KIR3DL1: variants seen among roughly 807,000 people sequenced by gnomAD.
The protein encoded by KIR3DL1 is killer cell immunoglobulin like receptor, three Ig domains and long cytoplasmic tail 1, also known as killer cell immunoglobulin-like receptor 3DL1.
A neutral mutation model predicts 40.3 loss-of-function variants in KIR3DL1; 50 were observed. The observed-to-expected ratio is 1.24, with a 90% CI of 0.99 to 1.57. The LOEUF is 1.57. KIR3DL1 is among the 40% of genes most tolerant of loss of function. KIR3DL1 has a pLI of 0.00. For synonymous variants in KIR3DL1, 257 were observed against 207.2 expected, an observed-to-expected ratio of 1.24 and a Z score of -2.07; for missense variants, 661 against 559.9, an observed-to-expected ratio of 1.18 and a Z score of -1.82.
Position 54,829,413 on chromosome 19 carries a change from C to T in KIR3DL1, c.1053C>T (p.Leu351=), listed in dbSNP as rs45474293. Residue 351 remains leucine (L), a synonymous_variant, in exon 7 of 9, where the codon CTC becomes CTT. Coordinates refer to ENST00000391728, the Ensembl canonical transcript of KIR3DL1. ...TTGGGACCTCAGTGGTCATCATCCTCTTCATCCTCCTCCTCTTCTTTCTCC... is the reference window on the plus strand; with the variant it reads ...TTGGGACCTCAGTGGTCATCATCCTTTTCATCCTCCTCCTCTTCTTTCTCC... 8.9e-3 allele frequency: 12,227 copies of T among 1,379,914 alleles called. 2,189 individuals are homozygous for T. The highest frequency in any genetic ancestry group is 0.022 in the South Asian group (1,557 of 71,268). The allele number at this position is 1,379,914 out of a possible 1,614,324, so 85.5% of individuals were successfully genotyped here.
In KIR3DL1 at chr19:54,817,719, G is replaced by A. The variant is rs1245016878; in HGVS notation, c.70+150G>A. 49 of 654,046 alleles carry A rather than the reference G, an allele frequency of 7.5e-5. 3 individuals are homozygous for A. Among genetic ancestry groups the A allele is most frequent in the East Asian group, 1.1e-4 (3 of 26,856 alleles). 40.5% of individuals were successfully genotyped at this position (654,046 alleles called of 1,614,324 possible). A position where few individuals can be genotyped will look rare whatever the true frequency, so the allele number is the denominator to read the frequency against. On this transcript the variant is annotated intron_variant, in intron 2 of 8. Transcript: ENST00000391728. Reference sequence around the variant, plus strand: ...CCACATTTCTGACCTTGCCTTCCCCGGCCTTTCATTCCCTTTCCTGAGTCA... The same window carrying A: ...CCACATTTCTGACCTTGCCTTCCCCAGCCTTTCATTCCCTTTCCTGAGTCA...
At chr19:54,829,406 T>C in exon 7 of KIR3DL1, 1 of 1,396,996 alleles carries the variant, frequency 7.2e-7, no homozygotes, top group Non-Finnish European at 9.7e-7. Flanking sequence ...TCAGTGGTCA[T>C]CATCCTCTTC....
rs1385281171 is a variant in KIR3DL1 at position 54,829,104 on chromosome 19, C to T, written c.1001-257C>T. Among the ~76,000 whole-genome samples the T allele has an allele frequency of 1.4e-5, 2 of 145,148 alleles. 1 individual carries two copies. Among genetic ancestry groups the T allele is most frequent in the Non-Finnish European group, 3.0e-5 (2 of 65,730 alleles). ...ACACCTCCCAAGAGGCCCAACCTCC[C>T]ACACTGGGGGTTAAATTTCAATGTG... On this transcript the variant is annotated intron_variant, in intron 6 of 8. Transcript: ENST00000391728.
chr19:54,816,617 A>T, intron 1 of KIR3DL1, 83 bp downstream of exon 1: 1 of 1,534,350 alleles, frequency 6.5e-7, no homozygotes, highest in Non-Finnish European at 8.9e-7. Flanking sequence ...CTAGAGGTGG[A>T]GTTATGGGCC....
exon 4 of KIR3DL1, chr19:54,819,939 A>T: frequency 6.2e-7 from 1 of 1,611,942 alleles, no homozygotes; most frequent in African/African-American, 1.3e-5. Context: ...GGACCTACAG[A>T]TGCTACGGTT....
At chr19:54,826,651 G>A (rs962757891) in intron 6 of KIR3DL1, among the ~76,000 whole-genome samples, 13 of 149,028 alleles carry the variant, frequency 8.7e-5, no homozygotes, top group Non-Finnish European at 1.5e-4. Flanking sequence ...ATAATGCTGA[G>A]TGTATAATTT....
At chr19:54,826,819 G>T (rs201822757) in intron 6 of KIR3DL1, among the ~76,000 whole-genome samples, 4,432 of 135,146 alleles carry the variant, frequency 0.033, 11 homozygotes, top group East Asian at 0.045. Context: ...AAGAGGCTCT[G>T]CCTGAAATGC....
intron 1 of KIR3DL1, among the ~76,000 whole-genome samples, chr19:54,817,194 T>G (rs62124089): frequency 0.13 from 15,986 of 121,892 alleles, 1,227 homozygotes; most frequent in Non-Finnish European, 0.16. Flanking sequence ...CTGGAGTGGA[T>G]ATATGAGCCT....
In KIR3DL1 at chr19:54,818,159, C is replaced by T. The variant is rs1248533967; in HGVS notation, c.71-156C>T. 7.4e-4 allele frequency among the ~76,000 whole-genome samples: 105 copies of T among 141,302 alleles called. 1 individual carries two copies. Among genetic ancestry groups the T allele is most frequent in the African/African-American group, 2.6e-3 (90 of 35,016 alleles). 92.7% of individuals were successfully genotyped at this position (141,302 alleles called of 152,430 possible). On this transcript the variant is annotated intron_variant, in intron 2 of 8. Transcript: ENST00000391728. ...TCAGCTGACACTTGTTGTAGGGAGA[C>T]GCCAAGTCTATGCAGGATGGGTCCT...
chr19:54,819,521 CAG>C (rs1389850954), intron 3 of KIR3DL1, among the ~76,000 whole-genome samples, 190 bp from the exon 4 acceptor site: 2 of 151,090 alleles, frequency 1.3e-5, no homozygotes, highest in Non-Finnish European at 2.9e-5. Context: ...CTACTGGAGA[CAG>C]AGGGACAGAG....
intron 5 of KIR3DL1, among the ~76,000 whole-genome samples, chr19:54,824,206 T>C (rs993525271): frequency 2.0e-5 from 3 of 151,662 alleles, no homozygotes; most frequent in African/African-American, 7.3e-5. Flanking sequence ...CTTCTACATG[T>C]TTCATAGGTT....
At chr19:54,820,356 C>T (rs1443963775) in intron 4 of KIR3DL1, among the ~76,000 whole-genome samples, 1 of 151,482 alleles carries the variant, frequency 6.6e-6, no homozygotes, top group Non-Finnish European at 1.5e-5. Context: ...TCTGTTTTAC[C>T]TCCACAAAGT....
At chr19:54,819,443 A>T (rs2148083047) in intron 3 of KIR3DL1, among the ~76,000 whole-genome samples, 1 of 151,200 alleles carries the variant, frequency 6.6e-6, no homozygotes, top group East Asian at 1.9e-4. Flanking sequence ...CAGGAAAGAG[A>T]TTAGTGGGAA....
chr19:54,827,983 T>A (rs1325612233), intron 6 of KIR3DL1, among the ~76,000 whole-genome samples: 1 of 150,334 alleles, frequency 6.7e-6, no homozygotes, highest in African/African-American at 2.5e-5. Context: ...TGAGTCCAGA[T>A]CTTGGAATCA....
At chr19:54,819,607 G>C in intron 3 of KIR3DL1, 106 bp from the exon 4 acceptor site, 2 of 1,328,122 alleles carry the variant, frequency 1.5e-6, no homozygotes. Flanking sequence ...GATGCAGAGA[G>C]GGAGGAGAGA....
At chr19:54,829,640 G>C (rs1291972711) in intron 7 of KIR3DL1, among the ~76,000 whole-genome samples, 175 bp downstream of exon 7, 3 of 142,588 alleles carry the variant, frequency 2.1e-5, no homozygotes, top group Admixed American at 7.2e-5. Flanking sequence ...TCAGCTCACA[G>C]ACCGTTGCCT....
intron 1 of KIR3DL1, 56 bp from the exon 2 acceptor site, chr19:54,817,478 G>A: frequency 1.5e-6 from 2 of 1,371,168 alleles, no homozygotes; most frequent in Admixed American, 1.7e-5. Context: ...AGTGGGGGCA[G>A]CAGGGTGCCC....
At chr19:54,826,116 G>A (rs2061874531) in intron 6 of KIR3DL1, among the ~76,000 whole-genome samples, 1 of 150,552 alleles carries the variant, frequency 6.6e-6, no homozygotes, top group South Asian at 2.1e-4. Context: ...ACAAGCTATG[G>A]AGGCCAGGAC....
Position 54,830,311 on chromosome 19 carries a change from A to G in KIR3DL1, c.*36A>G, listed in dbSNP as rs754694034. 15 of 1,509,788 alleles carry G rather than the reference A, an allele frequency of 9.9e-6. 3 individuals are homozygous for G. Among genetic ancestry groups the G allele is most frequent in the Non-Finnish European group, 1.4e-5 (15 of 1,109,844 alleles). The allele number at this position is 1,509,788 out of a possible 1,614,324, so 93.5% of individuals were successfully genotyped here. A position where few individuals can be genotyped will look rare whatever the true frequency, so the allele number is the denominator to read the frequency against. On this transcript the variant is annotated 3_prime_UTR_variant, in exon 9 of 9. Coordinates refer to ENST00000391728, the Ensembl canonical transcript of KIR3DL1. Reference sequence around the variant, plus strand: ...CAGGCCTTGAGGACGTCTTCTAGGGAGACAACAGCCCTGTCTCAAAACCGA... The same window carrying G: ...CAGGCCTTGAGGACGTCTTCTAGGGGGACAACAGCCCTGTCTCAAAACCGA...
Sources: gnomAD v4.1 joint callset for allele counts (sites outside exome capture counted in the v4.1 genomes callset) on GRCh38, gnomAD v4.1.1 for gene constraint, MANE v1.5 for transcripts, NCBI Gene and HGNC (gene_info 2026-07-23, HGNC 2026-07-21) for gene names.